Variants in DOCK9 observed in about 807,000 individuals in gnomAD.
The protein encoded by DOCK9 is dedicator of cytokinesis 9, also known as dedicator of cytokinesis protein 9.
In DOCK9, 89 loss-of-function variants were observed where a neutral mutation model predicts 263.3. The observed-to-expected ratio is 0.34, with a 90% CI of 0.28 to 0.40. The LOEUF (loss-of-function observed/expected upper bound fraction) is 0.40, where lower values mean the gene tolerates loss of function less well. DOCK9 is among the 10% of genes least tolerant of loss of function. The probability of loss-of-function intolerance (pLI) is 1.00; values close to 1 mark genes in which losing one functional copy is unlikely to be tolerated. For missense variants in DOCK9, 2,140 were observed against 2,603.4 expected, an observed-to-expected ratio of 0.82 and a Z score of 3.87; for synonymous variants, 976 against 973.1, an observed-to-expected ratio of 1.00 and a Z score of -0.06.
chr13:98,976,479 G>A (rs995275874), intron 1 of DOCK9, among the ~76,000 whole-genome samples: 1 of 152,142 alleles, frequency 6.6e-6, no homozygotes, highest in African/African-American at 2.4e-5. Flanking sequence ...ATCACTGACA[G>A]AAGATTTTTA....
At chr13:99,004,784 G>GAC (rs10533387) in intron 1 of DOCK9, among the ~76,000 whole-genome samples, 21,357 of 148,004 alleles carry the variant, frequency 0.14, 1,754 homozygotes, top group East Asian at 0.36. Flanking sequence ...AAAAACTATA[G>GAC]ACACACACAC....
In DOCK9 at chr13:98,883,148, G is replaced by C; in HGVS notation, c.2470-17C>G. 6.3e-7 allele frequency: 1 copy of C among 1,594,186 alleles called. No individual in the cohort carries two copies. ...ATGCTGATCCTGAGGTAGGGAAAAA[G>C]GAAAAGAAGAAGAAAGTCTATTAGA... On this transcript the variant is annotated splice_polypyrimidine_tract_variant and intron_variant, in intron 22 of 52. Transcript: ENST00000682017.
chr13:98,961,381 G>A (rs1246856605), intron 1 of DOCK9, among the ~76,000 whole-genome samples: 2 of 152,060 alleles, frequency 1.3e-5, no homozygotes, highest in African/African-American at 4.8e-5. Flanking sequence ...CCCTCTACAG[G>A]GATAATGTGC....
At chr13:98,902,873 C>G (rs901087749) in intron 11 of DOCK9, 99 bp downstream of exon 11, 4 of 1,160,688 alleles carry the variant, frequency 3.4e-6, no homozygotes, top group Non-Finnish European at 4.7e-6. Flanking sequence ...CTCTTTGATA[C>G]CAGGGACTAG....
chr13:98,845,186 A>T (rs1418965608), intron 38 of DOCK9: 1 of 472,402 alleles, frequency 2.1e-6, no homozygotes, highest in South Asian at 1.8e-5. Flanking sequence ...AAAGTAAATT[A>T]AAAATATGCT....
upstream of DOCK9, among the ~76,000 whole-genome samples, chr13:99,087,488 T>G (rs728982): frequency 0.28 from 42,394 of 151,896 alleles, 6,265 homozygotes; most frequent in East Asian, 0.43. Flanking sequence ...CCAGGGAAAC[T>G]GCGATGCGCC....
intron 3 of DOCK9, among the ~76,000 whole-genome samples, chr13:98,927,723 C>T (rs1474478588): frequency 1.3e-5 from 2 of 151,780 alleles, no homozygotes; most frequent in African/African-American, 2.4e-5. Context: ...CGGGTTCAAG[C>T]GATTCTCCTA....
intron 39 of DOCK9, chr13:98,833,204 C>CAAAA (rs59694440): frequency 2.1e-5 from 2 of 97,388 alleles, no homozygotes; most frequent in Admixed American, 1.0e-4. Context: ...AATTCTCAAC[C>CAAAA]AAAAAAAAAA....
chr13:98,903,508 G>A lies in DOCK9; in HGVS notation c.1036-396C>T, dbSNP rs572544230. Among the ~76,000 whole-genome samples, 3 of 149,850 alleles carry A rather than the reference G, an allele frequency of 2.0e-5. No homozygotes were observed. The South Asian group carries it at 6.3e-4, about 32-fold the overall frequency. On this transcript the variant is annotated intron_variant, in intron 10 of 52. Coordinates refer to ENST00000682017, the MANE Select transcript of DOCK9 (RefSeq NM_001366683.2). Reference sequence around the variant, plus strand: ...ACTCGGGAGGCTGAGGCTGAGGCAGGAGAATGGTGTGAACCCAGGAGGCGG... The same window carrying A: ...ACTCGGGAGGCTGAGGCTGAGGCAGAAGAATGGTGTGAACCCAGGAGGCGG...
Position 98,835,349 on chromosome 13 carries a change from G to A in DOCK9, c.4314+2145C>T, listed in dbSNP as rs9557086. On this transcript the variant is annotated intron_variant, in intron 39 of 52. Coordinates refer to ENST00000682017, the MANE Select transcript of DOCK9 (RefSeq NM_001366683.2). ...TGCAAAGAAAGATCCCAGTGGCTGC[G>A]GTGCCAATGGACCTCTCGTATCTGT... Among the ~76,000 whole-genome samples, 161 of 152,296 alleles carry A rather than the reference G, an allele frequency of 1.1e-3. 2 individuals carry two copies. The East Asian group carries it at 0.03, about 28-fold the overall frequency.
chr13:98,915,587 A>C, intron 7 of DOCK9, 84 bp from the exon 8 acceptor site: 2 of 1,342,048 alleles, frequency 1.5e-6, no homozygotes, highest in Non-Finnish European at 2.0e-6. Context: ...TTGGTGAGTG[A>C]TATCTCATTG....
chr13:99,030,810 C>T (rs1286473481), intron 1 of DOCK9, among the ~76,000 whole-genome samples: 4 of 152,174 alleles, frequency 2.6e-5, no homozygotes, highest in African/African-American at 9.7e-5. Context: ...GGTATCATTA[C>T]AATGTACAAG....
intron 2 of DOCK9, among the ~76,000 whole-genome samples, chr13:98,951,338 G>C (rs2057385324): frequency 6.6e-6 from 1 of 152,058 alleles, no homozygotes; most frequent in Non-Finnish European, 1.5e-5. Context: ...GTTCCAAACA[G>C]TATTAATATT....
At chr13:99,050,337 C>T (rs933562407) in intron 1 of DOCK9, among the ~76,000 whole-genome samples, 4 of 152,162 alleles carry the variant, frequency 2.6e-5, no homozygotes, top group Non-Finnish European at 2.9e-5. Flanking sequence ...ATATCCGAGA[C>T]AGCGAAACCT....
intron 7 of DOCK9, among the ~76,000 whole-genome samples, chr13:98,920,465 T>C (rs1295992076): frequency 6.6e-6 from 1 of 152,086 alleles, no homozygotes; most frequent in Admixed American, 6.5e-5. Context: ...TACAGAGAGG[T>C]TAAATAACAT....
intron 43 of DOCK9, 67 bp from the exon 44 acceptor site, chr13:98,826,954 A>G: frequency 8.1e-7 from 1 of 1,228,932 alleles, no homozygotes; most frequent in Non-Finnish European, 1.2e-6. Context: ...TCCCACACAG[A>G]CAGAAATCTA....
intron 1 of DOCK9, among the ~76,000 whole-genome samples, chr13:99,052,665 A>G (rs1392777866): frequency 1.3e-5 from 2 of 151,962 alleles, no homozygotes; most frequent in African/African-American, 2.4e-5. Context: ...CAGTGGTGCA[A>G]TCATGGTTCA....
chr13:99,010,000 T>TAA (rs35908012), intron 1 of DOCK9, among the ~76,000 whole-genome samples: 2 of 134,554 alleles, frequency 1.5e-5, no homozygotes, highest in African/African-American at 2.7e-5. Flanking sequence ...GGCCATAAGG[T>TAA]AAAAAAAAAA....
Position 98,829,180 on chromosome 13 carries a change from A to C in DOCK9, c.4965+127T>G. On this transcript the variant is annotated intron_variant, in intron 43 of 52. Coordinates refer to ENST00000682017, the MANE Select transcript of DOCK9 (RefSeq NM_001366683.2). This position sits in a 1 kb window ranked among gnomAD's most constrained non-coding sequence, Gnocchi z 4.1. ...AGTCACCCTAAGCTTCATACTGTTT[A>C]AAGTTTTGCATACTTTTAATTGGTT... The C allele has an allele frequency of 1.2e-6, 1 of 829,260 alleles. No homozygotes were observed. Among genetic ancestry groups the C allele is most frequent in the East Asian group, 2.7e-5 (1 of 37,436 alleles). The allele number at this position is 829,260 out of a possible 1,614,324, so 51.4% of individuals were successfully genotyped here. A position where few individuals can be genotyped will look rare whatever the true frequency, so the allele number is the denominator to read the frequency against.
Sources: gnomAD v4.1 joint callset for allele counts (sites outside exome capture counted in the v4.1 genomes callset) on GRCh38, gnomAD v4.1.1 for gene constraint, Gnocchi (gnomAD v3.1) non-coding constraint, MANE v1.5 for transcripts, NCBI Gene and HGNC (gene_info 2026-07-23, HGNC 2026-07-21) for gene names.